The following SNRPN variants were observed in gnomAD, a reference collection of about 807,000 sequenced individuals.
The protein encoded by SNRPN is small nuclear ribonucleoprotein polypeptide N.
In SNRPN, 7 loss-of-function variants were observed where a neutral mutation model predicts 25.2. That is an observed-to-expected ratio of 0.28 (90% CI 0.16 to 0.52). The LOEUF is 0.52. Among genes scored for constraint, SNRPN ranks in the 20% least tolerant of loss-of-function variants. SNRPN has a pLI of 0.96. For synonymous variants in SNRPN, 124 were observed against 110.6 expected (o/e 1.12, Z -0.76); for missense variants, 196 against 322.5 (o/e 0.61, Z 3.00).
intron 4 of SNRPN, 164 bp downstream of exon 4, chr15:24,974,620 T>A (rs1048617885): frequency 1.1e-5 from 8 of 707,718 alleles, no homozygotes; most frequent in Non-Finnish European, 1.8e-5. Context: ...TGAGCTGATT[T>A]TTTTATTTTT....
At chr15:24,908,876 G>A in intron 2 of SNRPN, 1 of 683,048 alleles carries the variant, frequency 1.5e-6, no homozygotes, top group Non-Finnish European at 2.5e-6. Context: ...TTTTTTTGCT[G>A]TCCATAAGTT....
intron 2 of SNRPN, among the ~76,000 whole-genome samples, chr15:24,832,901 T>C (rs2050675401): frequency 6.6e-6 from 1 of 151,570 alleles, no homozygotes; most frequent in African/African-American, 2.4e-5. Flanking sequence ...GGTCAGGAGA[T>C]CGAGGCCATC....
chr15:24,900,722 T>G (rs1174420232), intron 2 of SNRPN, among the ~76,000 whole-genome samples: 1 of 152,152 alleles, frequency 6.6e-6, no homozygotes, highest in Non-Finnish European at 1.5e-5. Flanking sequence ...TGGAAGAGCA[T>G]TCTAAGGCCG....
At chr15:24,879,449 A>G (rs2056368851) in intron 1 of SNRPN, among the ~76,000 whole-genome samples, 2 of 139,634 alleles carry the variant, frequency 1.4e-5, no homozygotes, top group South Asian at 4.7e-4. Context: ...CAAAAAAAAA[A>G]GAAAGAAAGA....
intron 3 of SNRPN, among the ~76,000 whole-genome samples, chr15:24,943,569 C>G (rs929045913): frequency 6.6e-6 from 1 of 152,104 alleles, no homozygotes; most frequent in Non-Finnish European, 1.5e-5. Flanking sequence ...AGATAACACC[C>G]AGTTCATGAA....
At chr15:24,847,182 C>CT (rs2052279870) in intron 2 of SNRPN, among the ~76,000 whole-genome samples, 1 of 152,032 alleles carries the variant, frequency 6.6e-6, no homozygotes, top group Admixed American at 6.6e-5. Flanking sequence ...AAAATACCTG[C>CT]TACACTGTGG....
intron 3 of SNRPN, among the ~76,000 whole-genome samples, chr15:24,922,111 A>G (rs1434826923): frequency 6.6e-6 from 1 of 151,818 alleles, no homozygotes; most frequent in Admixed American, 6.6e-5. Flanking sequence ...TACTAGGGAG[A>G]CTAAGGCAGG....
chr15:24,919,636 T>G (rs2059922894), intron 2 of SNRPN, among the ~76,000 whole-genome samples: 1 of 152,084 alleles, frequency 6.6e-6, no homozygotes, highest in Admixed American at 6.6e-5. Flanking sequence ...GGATTCTGGC[T>G]AAACCAGCCT....
At position 24,871,997 on chromosome 15, in the gene SNRPN, G is replaced by A. The variant is rs575002900; in HGVS notation, c.-578-14519G>A. ...TAGGATTACAGGCGTAAGCCACCAC[G>A]CCCGGCCTTTTGTCCTCTTTTTAGG... On this transcript the variant is annotated intron_variant, in intron 1 of 11. Transcript: ENST00000400097. 1.5e-4 allele frequency among the ~76,000 whole-genome samples: 18 copies of A among 119,228 alleles called. 7 individuals carry two copies. Among genetic ancestry groups the A allele is most frequent in the South Asian group, 6.0e-4 (2 of 3,334 alleles). 78.2% of individuals were successfully genotyped at this position (119,228 alleles called of 152,430 possible).
At chr15:24,837,656 A>C (rs1048556436) in intron 2 of SNRPN, among the ~76,000 whole-genome samples, 2 of 151,964 alleles carry the variant, frequency 1.3e-5, no homozygotes, top group African/African-American at 2.4e-5. Flanking sequence ...GGCGTGAGCC[A>C]CCATGCCCGG....
chr15:24,955,275 C>T (rs1025018411), intron 1 of SNRPN, among the ~76,000 whole-genome samples: 1 of 151,872 alleles, frequency 6.6e-6, no homozygotes, highest in Non-Finnish European at 1.5e-5. Context: ...CATTGGGGCG[C>T]GTCCCCCATC....
intron 2 of SNRPN, 100 bp from the exon 3 acceptor site, chr15:24,967,806 TGGAAAAAAAAAAAAAAAAAAAAGGAA>T: frequency 1.4e-6 from 1 of 700,620 alleles, no homozygotes; most frequent in East Asian, 3.2e-5. Context: ...AGACCCTGTC[TGGAAAAAAAAAAAAAAAAAAAAGGAA>T]TATCTTCTTA....
At chr15:24,845,013 T>A (rs1433767293) in intron 2 of SNRPN, among the ~76,000 whole-genome samples, 2 of 152,218 alleles carry the variant, frequency 1.3e-5, no homozygotes, top group Non-Finnish European at 2.9e-5. Flanking sequence ...AGTTTTGTTT[T>A]GTATTTTGGC....
chr15:24,913,399 T>C (rs961941431), intron 2 of SNRPN, among the ~76,000 whole-genome samples: 1 of 152,064 alleles, frequency 6.6e-6, no homozygotes, highest in Non-Finnish European at 1.5e-5. Flanking sequence ...TCTCAGCACT[T>C]TGGGACGACA....
rs536078338 is a variant in SNRPN, at chr15:24,872,989, G to T, written c.-578-13527G>T. On this transcript the variant is annotated intron_variant, in intron 1 of 11. Transcript: ENST00000400097. ...TTTGGACAGTCACTTATATTCCATTGACCTATATCACTGTCCTTATGCCAG... is the reference window on the plus strand; with the variant it reads ...TTTGGACAGTCACTTATATTCCATTTACCTATATCACTGTCCTTATGCCAG... Among the ~76,000 whole-genome samples the T allele has an allele frequency of 2.5e-5, 3 of 120,458 alleles. No individual in the cohort carries two copies. In the South Asian group the frequency reaches 8.8e-4, roughly 35 times the overall value. 79.0% of individuals were successfully genotyped at this position (120,458 alleles called of 152,430 possible).
chr15:24,942,930 G>A (rs527269019), intron 3 of SNRPN, among the ~76,000 whole-genome samples: 3 of 152,252 alleles, frequency 2.0e-5, no homozygotes, highest in South Asian at 4.2e-4. Context: ...ACAGAAAAAT[G>A]AGCCTGACTG....
intron 1 of SNRPN, among the ~76,000 whole-genome samples, chr15:24,879,188 A>C (rs1025413705): frequency 2.0e-5 from 3 of 152,130 alleles, no homozygotes; most frequent in Non-Finnish European, 4.4e-5. Flanking sequence ...TAATCCTAGC[A>C]CTTTGGGCGG....
chr15:24,893,440 G>A (rs1333866593), intron 2 of SNRPN, among the ~76,000 whole-genome samples: 1 of 151,720 alleles, frequency 6.6e-6, no homozygotes, highest in African/African-American at 2.4e-5. Context: ...AACGTATTGA[G>A]ACCTCATCTT....
chr15:24,910,656 G>A (rs1457166803), intron 2 of SNRPN, among the ~76,000 whole-genome samples: 2 of 152,034 alleles, frequency 1.3e-5, no homozygotes, highest in Admixed American at 6.6e-5. Context: ...CACCACACCC[G>A]GCTAATTTTT....
Sources: allele counts gnomAD v4.1 joint callset (sites outside exome capture counted in the v4.1 genomes callset), GRCh38; gene constraint gnomAD v4.1.1; transcripts MANE v1.5; gene names NCBI Gene and HGNC (gene_info 2026-07-23, HGNC 2026-07-21).